The following SLC41A2 variants were observed in gnomAD, a reference collection of about 807,000 sequenced individuals.
SLC41A2 encodes SLC41A1-like 1.
Under a neutral mutation model 58.3 loss-of-function variants are expected in SLC41A2, and 32 were observed. That is an observed-to-expected ratio of 0.55 (90% CI 0.41 to 0.74). SLC41A2 has a LOEUF of 0.74. SLC41A2 is among the 30% of genes least tolerant of loss of function. The probability of loss-of-function intolerance (pLI) is 0.00; values close to 1 mark genes in which losing one functional copy is unlikely to be tolerated. For missense variants in SLC41A2, 514 were observed against 680.6 expected (o/e 0.76, Z 2.72); for synonymous variants, 190 against 235.0 (o/e 0.81, Z 1.75).
chr12:104,914,040 T>C (rs961084499), intron 2 of SLC41A2, among the ~76,000 whole-genome samples: 1 of 151,872 alleles, frequency 6.6e-6, no homozygotes, highest in Admixed American at 6.6e-5. Flanking sequence ...CCAGCCTGGG[T>C]GACAGGGCGA....
intron 6 of SLC41A2, among the ~76,000 whole-genome samples, chr12:104,884,391 T>C (rs1234046413): frequency 6.6e-6 from 1 of 152,136 alleles, no homozygotes; most frequent in Non-Finnish European, 1.5e-5. Flanking sequence ...AGTACCTCAG[T>C]TGGAAATGCA....
intron 2 of SLC41A2, among the ~76,000 whole-genome samples, chr12:104,918,614 T>A (rs1241142830): frequency 3.2e-5 from 4 of 126,300 alleles, no homozygotes; most frequent in African/African-American, 1.3e-4. Context: ...TCATGTCTGT[T>A]GAAGGAGATA....
At chr12:104,904,097 C>T (rs183711708) in intron 3 of SLC41A2, among the ~76,000 whole-genome samples, 175 of 152,284 alleles carry the variant, frequency 1.1e-3, no homozygotes, top group African/African-American at 4.2e-3. Flanking sequence ...TGTTTTTTAA[C>T]CAGATTCCCT....
intron 8 of SLC41A2, among the ~76,000 whole-genome samples, chr12:104,846,596 T>G (rs939272292): frequency 6.6e-6 from 1 of 152,206 alleles, no homozygotes; most frequent in Non-Finnish European, 1.5e-5. Context: ...TAGGACTGCC[T>G]AAGATTGGGG....
intron 1 of SLC41A2, among the ~76,000 whole-genome samples, chr12:104,949,443 A>T (rs1311308217): frequency 6.6e-6 from 1 of 152,222 alleles, no homozygotes; most frequent in Non-Finnish European, 1.5e-5. Context: ...AAAGATTTAC[A>T]TACAGATTTA....
chr12:104,840,163 C>A (rs867467073), intron 10 of SLC41A2, among the ~76,000 whole-genome samples: 32 of 152,164 alleles, frequency 2.1e-4, no homozygotes, highest in African/African-American at 7.7e-4. Flanking sequence ...AAAAGGAAGG[C>A]CAGCAATGCC....
intron 10 of SLC41A2, among the ~76,000 whole-genome samples, chr12:104,818,201 G>T (rs1321604441): frequency 2.6e-5 from 4 of 152,052 alleles, no homozygotes; most frequent in Non-Finnish European, 5.9e-5. Context: ...AATGAAACAA[G>T]ATACTAATAG....
At chr12:104,880,855 C>T (rs965581799) in intron 6 of SLC41A2, among the ~76,000 whole-genome samples, 4 of 152,060 alleles carry the variant, frequency 2.6e-5, no homozygotes, top group African/African-American at 9.7e-5. Flanking sequence ...AGGATTCTCT[C>T]TTTTCTATTG....
rs569192275 is a variant in SLC41A2 at position 104,878,012 on chromosome 12, A to AAATT, written c.1027+8277_1027+8280dup. On this transcript the variant is annotated intron_variant, in intron 6 of 10. Coordinates refer to ENST00000258538, the MANE Select transcript of SLC41A2 (RefSeq NM_001352171.3). The stretch of plus-strand genomic sequence containing the variant: ...TGACAGAGCAAGACTCTGTCTCAAA[A>AAATT]AATTAATTAATTAATTAATTAATTA... Among the ~76,000 whole-genome samples the AAATT allele has an allele frequency of 6.3e-4, 96 of 151,966 alleles. 2 individuals are homozygous for AAATT. The highest frequency in any genetic ancestry group is 3.1e-3 in the South Asian group (15 of 4,806).
At chr12:104,811,903 G>A (rs982128807) in intron 10 of SLC41A2, among the ~76,000 whole-genome samples, 2 of 152,228 alleles carry the variant, frequency 1.3e-5, no homozygotes, top group Non-Finnish European at 2.9e-5. Flanking sequence ...ACATGTCTGT[G>A]TGTAGAGCTA....
At chr12:104,939,040 AAAGG>A (rs2047395818) in intron 1 of SLC41A2, among the ~76,000 whole-genome samples, 1 of 152,222 alleles carries the variant, frequency 6.6e-6, no homozygotes, top group South Asian at 2.1e-4. Context: ...ATCTCAGACT[AAAGG>A]GCAGTCCTTT....
intron 6 of SLC41A2, among the ~76,000 whole-genome samples, chr12:104,876,537 T>C (rs982348951): frequency 6.6e-6 from 1 of 152,210 alleles, no homozygotes; most frequent in Non-Finnish European, 1.5e-5. Flanking sequence ...AGGAGCATGA[T>C]GTTTAATTTC....
At chr12:104,897,144 CTTTTTTTT>C (rs71440558) in intron 3 of SLC41A2, among the ~76,000 whole-genome samples, 1 of 120,290 alleles carries the variant, frequency 8.3e-6, no homozygotes, top group Non-Finnish European at 1.7e-5. Context: ...TTTCTTTTTT[CTTTTTTTT>C]TTTTTTTTTT....
In SLC41A2 at chr12:104,852,058, G is replaced by A. The variant is rs539056913; in HGVS notation, c.1256-6084C>T. On this transcript the variant is annotated intron_variant, in intron 8 of 10. Coordinates refer to ENST00000258538, the MANE Select transcript of SLC41A2 (RefSeq NM_001352171.3). ...TGAAAATGTCTCAGAAATTGAAAGC[G>A]GCAAGAGTATTTAACTACATAATGC... 19 of 152,276 alleles carry A rather than the reference G, an allele frequency of 1.2e-4. No homozygotes were observed. In the South Asian group the frequency reaches 2.7e-3, roughly 22 times the overall value. 9.4% of individuals were successfully genotyped at this position (152,276 alleles called of 1,614,324 possible).
chr12:104,863,338 G>A (rs1413540945), intron 7 of SLC41A2, among the ~76,000 whole-genome samples: 1 of 152,120 alleles, frequency 6.6e-6, no homozygotes, highest in African/African-American at 2.4e-5. Context: ...AAGAAACTGA[G>A]GCAGGAGGGT....
intron 2 of SLC41A2, among the ~76,000 whole-genome samples, chr12:104,916,647 C>A (rs536479291): frequency 2.0e-5 from 3 of 152,054 alleles, no homozygotes. Context: ...TGGAACAGAA[C>A]AGAGCCCTCA....
intron 10 of SLC41A2, among the ~76,000 whole-genome samples, chr12:104,827,424 G>A (rs988827048): frequency 6.6e-6 from 1 of 151,928 alleles, no homozygotes; most frequent in Non-Finnish European, 1.5e-5. Context: ...TTCCCAGAGT[G>A]CACCTGTTAA....
chr12:104,823,428 A>G (rs111632917), intron 10 of SLC41A2, among the ~76,000 whole-genome samples: 12 of 152,216 alleles, frequency 7.9e-5, no homozygotes, highest in African/African-American at 2.9e-4. Context: ...AAGAATAGAC[A>G]TATAAATCAG....
chr12:104,919,444 C>T (rs2046486814), intron 2 of SLC41A2, among the ~76,000 whole-genome samples: 1 of 152,210 alleles, frequency 6.6e-6, no homozygotes, highest in South Asian at 2.1e-4. Context: ...TCCACAGCAG[C>T]TGTACCATTT....
Sources: gnomAD v4.1 joint callset for allele counts (sites outside exome capture counted in the v4.1 genomes callset) on GRCh38, gnomAD v4.1.1 for gene constraint, MANE v1.5 for transcripts, NCBI Gene and HGNC (gene_info 2026-07-23, HGNC 2026-07-21) for gene names.